The following DNAL1 variants were observed in gnomAD, a reference collection of about 807,000 sequenced individuals.
DNAL1 encodes chromosome 14 open reading frame 168.
In DNAL1, 17 loss-of-function variants were observed where a neutral mutation model predicts 29.4. The ratio of observed to expected loss-of-function variants is 0.58; its 90% CI spans 0.40 to 0.87. The LOEUF is 0.87. DNAL1 is among the 40% of genes least tolerant of loss of function. The probability of loss-of-function intolerance (pLI) is 0.00; values close to 1 mark genes in which losing one functional copy is unlikely to be tolerated. For synonymous variants in DNAL1, 78 were observed against 76.3 expected, an observed-to-expected ratio of 1.02 and a Z score of -0.12; for missense variants, 188 against 214.1, an observed-to-expected ratio of 0.88 and a Z score of 0.76.
chr14:73,669,457 A>G (rs1053601074), intron 4 of DNAL1, among the ~76,000 whole-genome samples: 2 of 151,804 alleles, frequency 1.3e-5, no homozygotes, highest in African/African-American at 4.8e-5. Context: ...TTGTATTTTT[A>G]GTAGAGATGG....
At chr14:73,652,470 C>A (rs187215578) in intron 1 of DNAL1, among the ~76,000 whole-genome samples, 24 of 152,132 alleles carry the variant, frequency 1.6e-4, no homozygotes, top group Admixed American at 1.6e-3. Context: ...GAGACAAAGT[C>A]TCACTGCCTT....
chr14:73,660,239 T>G (rs1383689798), intron 3 of DNAL1, among the ~76,000 whole-genome samples: 1 of 152,220 alleles, frequency 6.6e-6, no homozygotes, highest in African/African-American at 2.4e-5. Context: ...CTACTTATTT[T>G]GTAATCCTAT....
At chr14:73,684,591 T>A (rs1812205685) in intron 5 of DNAL1, among the ~76,000 whole-genome samples, 1 of 152,166 alleles carries the variant, frequency 6.6e-6, no homozygotes, top group Non-Finnish European at 1.5e-5. Flanking sequence ...TCATCCTCAT[T>A]ACATATAGTC....
chr14:73,674,718 T>A (rs1415609120), intron 5 of DNAL1, among the ~76,000 whole-genome samples: 2 of 152,070 alleles, frequency 1.3e-5, no homozygotes, highest in Non-Finnish European at 2.9e-5. Flanking sequence ...ATATTTTAAT[T>A]TTTTGTAAAG....
chr14:73,655,069 A>G (rs1891185139), intron 2 of DNAL1, among the ~76,000 whole-genome samples, 184 bp downstream of exon 2: 1 of 152,162 alleles, frequency 6.6e-6, no homozygotes, highest in Admixed American at 6.5e-5. Flanking sequence ...TAATGCACAC[A>G]TACACACAGT....
intron 5 of DNAL1, among the ~76,000 whole-genome samples, chr14:73,686,689 CAG>C (rs1892026202): frequency 1.3e-5 from 2 of 152,140 alleles, no homozygotes; most frequent in African/African-American, 4.8e-5. Context: ...GTCTGGGTGA[CAG>C]AGTGAGACCC....
In DNAL1 at chr14:73,661,997, C is replaced by G. The variant is rs927921791; in HGVS notation, c.163C>G (p.Leu55Val). The G allele has an allele frequency of 6.4e-6, 10 of 1,550,626 alleles. No individual in the cohort carries two copies. The African/African-American group carries it at 1.2e-4, about 19-fold the overall frequency. ...TTTGTTCTTTTAAAGGAAGCTTTCA[C>G]TGTCTACAAACTGCATTGAAAAAAT... Reference protein sequence around the residue: ...SMLANCEKLSLSTNCIEKIAN... With the variant: ...SMLANCEKLSVSTNCIEKIAN... The change falls in exon 4 of 8, where the codon CTG becomes GTG. Residue 55 changes from leucine (L) to valine (V), a missense_variant. By Grantham distance (32) the Leu-to-Val change is conservative. Coordinates refer to ENST00000553645, the MANE Select transcript of DNAL1 (RefSeq NM_031427.4).
rs141587349 is a variant in DNAL1 at position 73,678,433 on chromosome 14, G to GATA, written c.264+6838_264+6839insAAT. Among the ~76,000 whole-genome samples, 1,217 of 150,918 alleles carry GATA rather than the reference G, an allele frequency of 8.1e-3. 24 individuals are homozygous for GATA. Among genetic ancestry groups the GATA allele is most frequent in the African/African-American group, 0.028 (1,154 of 41,088 alleles). On this transcript the variant is annotated intron_variant, in intron 5 of 7. Transcript: ENST00000553645. ...TTATCTCATTTCCAGCTCACAAGTA[G>GATA]ATGTTATTATCCTTATTTTAAGATA...
intron 3 of DNAL1, 101 bp from the exon 4 acceptor site, chr14:73,661,886 A>C (rs976429664): frequency 1.4e-5 from 10 of 694,826 alleles, no homozygotes; most frequent in Non-Finnish European, 1.9e-5. Context: ...TGGGGAAAAT[A>C]TTACTTAAAT....
rs189090884 is a variant in DNAL1, at chr14:73,693,048, C to T, written c.533-2854C>T. Among the ~76,000 whole-genome samples, 414 of 152,232 alleles carry T rather than the reference C, an allele frequency of 2.7e-3. 1 individual carries two copies. The highest frequency in any genetic ancestry group is 5.2e-3 in the Non-Finnish European group (351 of 68,030). On this transcript the variant is annotated intron_variant, in intron 7 of 7. Transcript: ENST00000553645. ...ATGGGGTCTTATCATCTTGGCAAGG[C>T]TGGTCTTCAACTCCTGACCTCGTGA... is the stretch of plus-strand genomic sequence containing the variant.
rs1892295048 is a variant in DNAL1 at position 73,696,102 on chromosome 14, G to A, written c.*160G>A. The A allele has an allele frequency of 4.4e-6, 3 of 678,444 alleles. No individual in the cohort carries two copies. Among genetic ancestry groups the A allele is most frequent in the Middle Eastern group, 4.4e-4 (1 of 2,266 alleles). The allele number at this position is 678,444 out of a possible 1,614,324, so 42.0% of individuals were successfully genotyped here. A position where few individuals can be genotyped will look rare whatever the true frequency, so the allele number is the denominator to read the frequency against. Reference sequence around the variant, plus strand: ...CTTTTTTTTTCCTTTAACTTATTCAGTGTTTCTCCCCAAAACTGGTAATGC... The same window carrying A: ...CTTTTTTTTTCCTTTAACTTATTCAATGTTTCTCCCCAAAACTGGTAATGC... On this transcript the variant is annotated 3_prime_UTR_variant, in exon 8 of 8. Transcript: ENST00000553645.
rs543730219 is a variant in DNAL1, at chr14:73,690,211, A to T, written c.532+696A>T. ...TGAGAAAAACCCTGTATTTATTTTT[A>T]AAAAATTGTATATTTATTTTTTCCT... On this transcript the variant is annotated intron_variant, in intron 7 of 7. Transcript: ENST00000553645. Among the ~76,000 whole-genome samples the T allele has an allele frequency of 1.5e-4, 23 of 152,186 alleles. No homozygotes were observed. The East Asian group carries it at 1.5e-3, about 10-fold the overall frequency.
intron 5 of DNAL1, among the ~76,000 whole-genome samples, chr14:73,679,308 T>C (rs1891819357): frequency 6.6e-6 from 1 of 152,232 alleles, no homozygotes; most frequent in Non-Finnish European, 1.5e-5. Flanking sequence ...CTTTTGTTTT[T>C]ATACTTGTTG....
chr14:73,687,499 A>G (rs2140058525), intron 6 of DNAL1, 114 bp downstream of exon 6: 2 of 1,237,044 alleles, frequency 1.6e-6, no homozygotes, highest in Non-Finnish European at 1.1e-6. Context: ...GAGAAAGTGG[A>G]AACATTTATG....
intron 1 of DNAL1, chr14:73,653,022 G>T (rs1381052584): frequency 6.6e-6 from 1 of 152,198 alleles, no homozygotes; most frequent in Non-Finnish European, 1.5e-5. Context: ...ATGGCTAGAT[G>T]CATCCTTAGG....
At position 73,702,627 on chromosome 14, in the gene DNAL1, C is replaced by T. The variant is rs1892463864; in HGVS notation, c.*6685C>T. 1 of 152,062 alleles carries T rather than the reference C, an allele frequency of 6.6e-6. No homozygotes were observed. Among genetic ancestry groups the T allele is most frequent in the South Asian group, 2.1e-4 (1 of 4,818 alleles). The allele number at this position is 152,062 out of a possible 1,614,324, so 9.4% of individuals were successfully genotyped here. A position where few individuals can be genotyped will look rare whatever the true frequency, so the allele number is the denominator to read the frequency against. On this transcript the variant is annotated 3_prime_UTR_variant, in exon 8 of 8. Transcript: ENST00000553645. ...CCTCACCTGATTACCAGAAGGTACGCAAGGTAAAAGTTAGCTGATAGGCCC... is the reference window on the plus strand; with the variant it reads ...CCTCACCTGATTACCAGAAGGTACGTAAGGTAAAAGTTAGCTGATAGGCCC...
At chr14:73,672,759 A>ATTT (rs376650794) in intron 5 of DNAL1, among the ~76,000 whole-genome samples, 1 of 141,976 alleles carries the variant, frequency 7.0e-6, no homozygotes, top group Non-Finnish European at 1.5e-5. Flanking sequence ...TAAAAATTTG[A>ATTT]TTTTTTTTTT....
At chr14:73,680,003 CTG>C (rs1362306074) in intron 5 of DNAL1, among the ~76,000 whole-genome samples, 1 of 151,636 alleles carries the variant, frequency 6.6e-6, no homozygotes, top group Admixed American at 6.6e-5. Context: ...CAGTTTCTTT[CTG>C]TTTGTTGTTC....
chr14:73,691,423 C>T (rs1424534101), intron 7 of DNAL1, among the ~76,000 whole-genome samples: 3 of 151,752 alleles, frequency 2.0e-5, no homozygotes, highest in Admixed American at 2.0e-4. Context: ...GTGGTGGGTG[C>T]CTGTAATCTC....
Sources: allele counts gnomAD v4.1 joint callset (sites outside exome capture counted in the v4.1 genomes callset), GRCh38; gene constraint gnomAD v4.1.1; transcripts MANE v1.5; gene names NCBI Gene and HGNC (gene_info 2026-07-23, HGNC 2026-07-21).